The following PTPRR variants were observed in gnomAD, a reference collection of about 807,000 sequenced individuals.
PTPRR encodes the protein receptor-type tyrosine-protein phosphatase R.
A neutral mutation model predicts 77.2 loss-of-function variants in PTPRR; 38 were observed. The ratio of observed to expected loss-of-function variants is 0.49; its 90% CI spans 0.38 to 0.65. The LOEUF is 0.65. Among genes scored for constraint, PTPRR ranks in the 30% least tolerant of loss-of-function variants. The pLI is 0.00. For synonymous variants in PTPRR, 299 were observed against 283.1 expected (o/e 1.06, Z -0.57); for missense variants, 744 against 799.2 (o/e 0.93, Z 0.83).
chr12:70,762,818 G>A (rs1890723951), intron 3 of PTPRR, among the ~76,000 whole-genome samples: 1 of 152,122 alleles, frequency 6.6e-6, no homozygotes, highest in African/African-American at 2.4e-5. Context: ...CAAAACACAT[G>A]ATGCTAATCA....
chr12:70,842,758 C>T (rs1326112102), intron 2 of PTPRR, among the ~76,000 whole-genome samples: 1 of 152,212 alleles, frequency 6.6e-6, no homozygotes, highest in Non-Finnish European at 1.5e-5. Flanking sequence ...TTAATCACAT[C>T]TGCAAAGATT....
chr12:70,726,971 G>A (rs1285856892), intron 6 of PTPRR, among the ~76,000 whole-genome samples: 1 of 152,040 alleles, frequency 6.6e-6, no homozygotes, highest in Non-Finnish European at 1.5e-5. Context: ...GGGATGGCTA[G>A]GGGAGAGAAG....
At chr12:70,897,578 A>C (rs1452594471) in intron 1 of PTPRR, among the ~76,000 whole-genome samples, 3 of 151,990 alleles carry the variant, frequency 2.0e-5, no homozygotes, top group Non-Finnish European at 2.9e-5. Context: ...TAGTTCAACC[A>C]TTGTGGAAGT....
chr12:70,792,417 G>T (rs567880548), intron 2 of PTPRR, among the ~76,000 whole-genome samples: 1 of 152,204 alleles, frequency 6.6e-6, no homozygotes, highest in South Asian at 2.1e-4. Flanking sequence ...GACAAGTAAA[G>T]GTTGGACCCA....
intron 2 of PTPRR, among the ~76,000 whole-genome samples, chr12:70,872,347 A>G (rs1892972696): frequency 6.6e-6 from 1 of 152,042 alleles, no homozygotes. Context: ...TATTGCCCAT[A>G]TTAAATGTTT....
intron 1 of PTPRR, among the ~76,000 whole-genome samples, chr12:70,900,997 G>T (rs1489158721): frequency 1.3e-5 from 2 of 151,338 alleles, no homozygotes; most frequent in Non-Finnish European, 3.0e-5. Context: ...GGATTTTTTT[G>T]GATTTCAGAA....
At chr12:70,840,898 G>T (rs1466758913) in intron 2 of PTPRR, among the ~76,000 whole-genome samples, 1 of 151,168 alleles carries the variant, frequency 6.6e-6, no homozygotes, top group Non-Finnish European at 1.5e-5. Context: ...ATACTATGAA[G>T]TCACCGTGCC....
intron 2 of PTPRR, among the ~76,000 whole-genome samples, chr12:70,831,612 AG>A (rs1255695807): frequency 6.6e-6 from 1 of 152,212 alleles, no homozygotes; most frequent in Non-Finnish European, 1.5e-5. Flanking sequence ...AAAATAGAGC[AG>A]CCCACACAAG....
intron 2 of PTPRR, among the ~76,000 whole-genome samples, chr12:70,768,022 G>A (rs577793814): frequency 9.8e-4 from 149 of 152,186 alleles, no homozygotes; most frequent in African/African-American, 3.5e-3. Context: ...GCAGTGTGTA[G>A]AGGGAAATTT....
intron 3 of PTPRR, among the ~76,000 whole-genome samples, chr12:70,762,334 C>T (rs529106905): frequency 7.4e-4 from 113 of 151,934 alleles, no homozygotes; most frequent in African/African-American, 2.4e-3. Context: ...AAAACCATGG[C>T]GATTGATAAT....
Position 70,758,932 on chromosome 12 carries a change from C to CTTGTTG in PTPRR, c.627+2533_627+2538dup, listed in dbSNP as rs10680609. Among the ~76,000 whole-genome samples the CTTGTTG allele has an allele frequency of 9.1e-4, 137 of 150,780 alleles. 2 individuals are homozygous for CTTGTTG. In the South Asian group the frequency reaches 0.025, roughly 27 times the overall value. Reference sequence around the variant, plus strand: ...CTAGCACAGTACTTGGCTATTTGCTCTTGTTGTTGTTGTTGTTGTTGTCTG... The same window carrying CTTGTTG: ...CTAGCACAGTACTTGGCTATTTGCTCTTGTTGTTGTTGTTGTTGTTGTTGTTGTCTG... On this transcript the variant is annotated intron_variant, in intron 4 of 13. Coordinates refer to ENST00000283228, the MANE Select transcript of PTPRR (RefSeq NM_002849.4).
intron 2 of PTPRR, among the ~76,000 whole-genome samples, chr12:70,779,268 C>T (rs777388662): frequency 2.0e-5 from 3 of 151,620 alleles, no homozygotes. Flanking sequence ...CATGTGGGCT[C>T]TCAAGGCCCT....
intron 1 of PTPRR, among the ~76,000 whole-genome samples, chr12:70,895,806 C>T (rs1893418145): frequency 6.6e-6 from 1 of 151,678 alleles, no homozygotes; most frequent in African/African-American, 2.4e-5. Context: ...CAAATGCTAC[C>T]TATTTCCTCC....
chr12:70,746,995 T>C (rs944686118), intron 5 of PTPRR, among the ~76,000 whole-genome samples: 1 of 152,164 alleles, frequency 6.6e-6, no homozygotes, highest in Non-Finnish European at 1.5e-5. Context: ...AATATTCACA[T>C]GATAAATATT....
chr12:70,885,534 ATT>A (rs34620002), intron 2 of PTPRR, among the ~76,000 whole-genome samples: 49 of 137,000 alleles, frequency 3.6e-4, no homozygotes, highest in Admixed American at 2.4e-3. Flanking sequence ...ACAGTTAAGG[ATT>A]TTTTTTTTTT....
At chr12:70,887,983 T>C (rs1893269512) in intron 2 of PTPRR, among the ~76,000 whole-genome samples, 1 of 151,152 alleles carries the variant, frequency 6.6e-6, no homozygotes, top group African/African-American at 2.4e-5. Flanking sequence ...GAATTTTAGT[T>C]CAATGGCAAT....
intron 6 of PTPRR, among the ~76,000 whole-genome samples, chr12:70,736,008 G>C (rs1470556781): frequency 1.3e-5 from 2 of 152,158 alleles, no homozygotes; most frequent in African/African-American, 4.8e-5. Flanking sequence ...TTATTATGCA[G>C]GATGTTTGAA....
intron 2 of PTPRR, among the ~76,000 whole-genome samples, chr12:70,813,893 G>C (rs1891853307): frequency 6.6e-6 from 1 of 152,164 alleles, no homozygotes; most frequent in Non-Finnish European, 1.5e-5. Flanking sequence ...ACAAGGATGG[G>C]AGGAAGCTTC....
chr12:70,680,377 T>G (rs1405405284), intron 10 of PTPRR, among the ~76,000 whole-genome samples: 1 of 152,138 alleles, frequency 6.6e-6, no homozygotes, highest in African/African-American at 2.4e-5. Context: ...TTTTATGGAG[T>G]GACTTTTGAA....
Sources: gnomAD v4.1 joint callset for allele counts (sites outside exome capture counted in the v4.1 genomes callset) on GRCh38, gnomAD v4.1.1 for gene constraint, MANE v1.5 for transcripts, NCBI Gene and HGNC (gene_info 2026-07-23, HGNC 2026-07-21) for gene names.